The following TUSC3 variants were observed in gnomAD, a reference collection of about 807,000 sequenced individuals.
TUSC3 encodes the protein tumor suppressor candidate 3, also known as dolichyl-diphosphooligosaccharide--protein glycosyltransferase subunit TUSC3.
In TUSC3, 45 loss-of-function variants were observed where a neutral mutation model predicts 44.8. The ratio of observed to expected loss-of-function variants is 1.00; its 90% confidence interval spans 0.79 to 1.29. The LOEUF is 1.29. Among genes scored for constraint, TUSC3 ranks in the 50% most tolerant of loss-of-function variants. The pLI is 0.00. For missense variants in TUSC3, 519 were observed against 437.9 expected (o/e 1.19, Z -1.65); for synonymous variants, 212 against 152.9 (o/e 1.39, Z -2.85).
intron 2 of TUSC3, among the ~76,000 whole-genome samples, chr8:15,634,485 T>G (rs928675659): frequency 1.3e-5 from 2 of 152,160 alleles, no homozygotes; most frequent in African/African-American, 4.8e-5. Flanking sequence ...AAAGGGCAAT[T>G]GATATTTTGC....
intron 1 of TUSC3, among the ~76,000 whole-genome samples, chr8:15,575,844 T>G (rs947150749): frequency 2.6e-5 from 4 of 152,124 alleles, no homozygotes; most frequent in African/African-American, 4.8e-5. Flanking sequence ...TTGTGGAAAT[T>G]ATACATGTTT....
At chr8:15,531,966 C>T (rs887792888) in intron 2 of TUSC3, among the ~76,000 whole-genome samples, 3 of 152,154 alleles carry the variant, frequency 2.0e-5, no homozygotes, top group South Asian at 2.1e-4. Context: ...TATTTTATTT[C>T]AGGTAGAAGA....
intron 10 of TUSC3, among the ~76,000 whole-genome samples, 194 bp from the exon 11 acceptor site, chr8:15,764,009 C>G (rs1563212778): frequency 6.6e-6 from 1 of 152,036 alleles, no homozygotes. Flanking sequence ...TGACCCTGTT[C>G]CCAACCTAAG....
the TUSC3 span, among the ~76,000 whole-genome samples, chr8:15,779,702 GT>G: frequency 6.6e-6 from 1 of 152,114 alleles, no homozygotes; most frequent in Non-Finnish European, 1.5e-5. Flanking sequence ...TTAATTGCGT[GT>G]TTTTAAAAAG....
intron 1 of TUSC3, among the ~76,000 whole-genome samples, chr8:15,584,066 G>A (rs142231586): frequency 2.0e-5 from 3 of 152,308 alleles, no homozygotes; most frequent in African/African-American, 7.2e-5. Context: ...ATCAAACACA[G>A]CAGCTTAACT....
intron 2 of TUSC3, among the ~76,000 whole-genome samples, chr8:15,638,873 G>T (rs1448227070): frequency 6.6e-6 from 1 of 152,194 alleles, no homozygotes; most frequent in African/African-American, 2.4e-5. Context: ...ATGTGTTGAT[G>T]CTAGATCACG....
rs796094387 is a variant in TUSC3 at position 15,517,992 on chromosome 8, A to AAC, written n.189+34509_189+34510insAC. 2.0e-3 allele frequency among the ~76,000 whole-genome samples: 308 copies of AAC among 151,744 alleles called. 1 individual carries two copies. The highest frequency in any genetic ancestry group is 6.8e-3 in the African/African-American group (283 of 41,332). On this transcript the variant is annotated intron_variant and non_coding_transcript_variant, in intron 2 of 5. Coordinates refer to the TUSC3 transcript ENST00000503191. ...AACCCTCAAGAACAAACAAAAAAAA[A>AAC]CCCCCATACACATTCGCACCTGTTC...
At chr8:15,625,132 A>G (rs1205791275) in intron 2 of TUSC3, among the ~76,000 whole-genome samples, 1 of 152,174 alleles carries the variant, frequency 6.6e-6, no homozygotes, top group Non-Finnish European at 1.5e-5. Context: ...GCCTATGGAT[A>G]TAATCAGTTA....
At chr8:15,493,437 A>G (rs929524971) in intron 2 of TUSC3, among the ~76,000 whole-genome samples, 3 of 151,824 alleles carry the variant, frequency 2.0e-5, no homozygotes, top group Non-Finnish European at 4.4e-5. Context: ...TACTTTTTGT[A>G]TTTTTTGCAT....
the TUSC3 span, among the ~76,000 whole-genome samples, chr8:15,782,470 C>A: frequency 4.6e-5 from 7 of 152,102 alleles, no homozygotes; most frequent in Non-Finnish European, 8.8e-5. Flanking sequence ...CACAGTGAGA[C>A]CCTGTCTCAA....
chr8:15,654,542 TA>T (rs1807069547), intron 3 of TUSC3, among the ~76,000 whole-genome samples: 1 of 152,198 alleles, frequency 6.6e-6, no homozygotes, highest in African/African-American at 2.4e-5. Flanking sequence ...AGCTTGTGTT[TA>T]CAAATCAGTC....
At chr8:15,772,352 T>G in the TUSC3 span, among the ~76,000 whole-genome samples, 134 of 152,276 alleles carry the variant, frequency 8.8e-4, no homozygotes, top group Middle Eastern at 6.8e-3. Context: ...AGTGGGAACA[T>G]TAATACCCAC....
chr8:15,643,643 A>G (rs185130236), intron 2 of TUSC3, among the ~76,000 whole-genome samples: 63 of 152,302 alleles, frequency 4.1e-4, no homozygotes, highest in Non-Finnish European at 5.4e-4. Context: ...TTTATCTTAC[A>G]TCTAGTGAAT....
At chr8:15,525,429 G>A (rs749858122) in intron 2 of TUSC3, among the ~76,000 whole-genome samples, 1 of 152,126 alleles carries the variant, frequency 6.6e-6, no homozygotes, top group East Asian at 1.9e-4. Flanking sequence ...AAATAAAAAT[G>A]TTACTTATGT....
chr8:15,708,637 A>AT (rs1809714814), intron 6 of TUSC3, among the ~76,000 whole-genome samples: 1 of 151,944 alleles, frequency 6.6e-6, no homozygotes, highest in South Asian at 2.1e-4. Flanking sequence ...TTGGTGGAGA[A>AT]GAAAGATAAA....
chr8:15,795,013 C>A, the TUSC3 span, among the ~76,000 whole-genome samples: 1 of 152,098 alleles, frequency 6.6e-6, no homozygotes, highest in Admixed American at 6.6e-5. Flanking sequence ...ATGAGTATGC[C>A]ACTCTAATAA....
At chr8:15,426,002 T>G (rs547701661) in intron 1 of TUSC3, among the ~76,000 whole-genome samples, 11 of 152,166 alleles carry the variant, frequency 7.2e-5, no homozygotes, top group Non-Finnish European at 1.6e-4. Context: ...GACAACAGAT[T>G]GAGGCTCTGC....
chr8:15,815,280 G>C, the TUSC3 span, among the ~76,000 whole-genome samples: 2 of 151,996 alleles, frequency 1.3e-5, no homozygotes, highest in Non-Finnish European at 2.9e-5. Context: ...GGAAGAGCAG[G>C]AACAAATCTA....
intron 1 of TUSC3, among the ~76,000 whole-genome samples, chr8:15,572,130 A>G (rs1465570067): frequency 4.6e-5 from 7 of 152,152 alleles, no homozygotes; most frequent in Non-Finnish European, 1.0e-4. Context: ...CTCTCTAGCC[A>G]TGGCATCGCC....
Sources: gnomAD v4.1 joint callset for allele counts (sites outside exome capture counted in the v4.1 genomes callset) on GRCh38, gnomAD v4.1.1 for gene constraint, MANE v1.5 for transcripts, NCBI Gene and HGNC (gene_info 2026-07-23, HGNC 2026-07-21) for gene names.